KPTN: variants seen among roughly 807,000 people sequenced by gnomAD.
KPTN encodes the protein kaptin, actin binding protein, also known as KICSTOR complex protein kaptin.
KPTN carries 36 observed loss-of-function variants against 52.6 expected under a neutral mutation model. The ratio of observed to expected loss-of-function variants is 0.68; its 90% CI spans 0.52 to 0.90. The LOEUF (loss-of-function observed/expected upper bound fraction) is 0.90, where lower values mean the gene tolerates loss of function less well. Ranked by LOEUF, KPTN falls within the 40% of genes least tolerant of loss-of-function variation. KPTN has a pLI of 0.00. For synonymous variants in KPTN, 271 were observed against 248.4 expected (o/e 1.09, Z -0.85); for missense variants, 529 against 576.2 (o/e 0.92, Z 0.84).
Position 47,477,759 on chromosome 19 carries a change from T to C in KPTN, c.810A>G (p.Gln270=), listed in dbSNP as rs1599870367. 1 of 1,613,732 alleles carries C rather than the reference T, an allele frequency of 6.2e-7. No individual in the cohort carries two copies. Among genetic ancestry groups the C allele is most frequent in the Non-Finnish European group, 8.5e-7 (1 of 1,179,662 alleles). The change falls in exon 9 of 12, where the codon CAA becomes CAG. Residue 270 remains glutamine (Q), a synonymous_variant. Transcript: ENST00000338134. The part of the protein sequence containing the change: ...AAKETKDRPL[Q]DEYSVLVASM... Reference sequence around the variant, plus strand: ...TGGCCACGAGCACGCTGTACTCATCTTGTAGTGGCCTGTCCTTGGTCTCTG... The same window carrying C: ...TGGCCACGAGCACGCTGTACTCATCCTGTAGTGGCCTGTCCTTGGTCTCTG...
At chr19:47,479,380 G>A (rs1055414876) in intron 8 of KPTN, among the ~76,000 whole-genome samples, 1 of 152,182 alleles carries the variant, frequency 6.6e-6, no homozygotes, top group Non-Finnish European at 1.5e-5. Context: ...CCCCAGTAAA[G>A]GAGCAGGAAT....
At position 47,484,015 on chromosome 19, in the gene KPTN, T is replaced by C. The variant is rs1429327155; in HGVS notation, c.146A>G (p.Lys49Arg). The change falls in exon 1 of 12, where the codon AAG becomes AGG. Residue 49 changes from lysine to arginine, a missense_variant. Coordinates refer to ENST00000338134, the MANE Select transcript of KPTN (RefSeq NM_007059.4). ...GTCTTGGTAGCGGAAGCCGAGCACC[T>C]TGCCTTTAAGGGTGGCGGCCAGCAG... is the stretch of plus-strand genomic sequence containing the variant. ...GELLAATLKGKVLGFRYQDLR... is the reference protein window; with the variant it reads ...GELLAATLKGRVLGFRYQDLR... 6.2e-7 allele frequency: 1 copy of C among 1,613,138 alleles called. No individual in the cohort carries two copies. Among genetic ancestry groups the C allele is most frequent in the Non-Finnish European group, 8.5e-7 (1 of 1,180,014 alleles).
intron 8 of KPTN, among the ~76,000 whole-genome samples, 192 bp downstream of exon 8, chr19:47,479,671 A>G (rs1967796056): frequency 6.6e-6 from 1 of 152,116 alleles, no homozygotes; most frequent in African/African-American, 2.4e-5. Context: ...TGGAAGTTAA[A>G]TTCACAAGAG....
rs1463068600 is a variant in KPTN at position 47,480,804 on chromosome 19, C to G, written c.555G>C (p.Gln185His). The change falls in exon 6 of 12, where the codon CAG becomes CAC. Residue 185 changes from glutamine (Q) to histidine (H), a missense_variant. By Grantham distance (24) the Gln-to-His change is conservative. Transcript: ENST00000338134. Reference sequence around the variant, plus strand: ...GCTCTGGGAAGAGGTTTTCCACGGGCTGTTCCTCAAACTGATGCAGCCCCT... The same window carrying G: ...GCTCTGGGAAGAGGTTTTCCACGGGGTGTTCCTCAAACTGATGCAGCCCCT... ...ENEGLHQFEEQPVENLFPELT... is the reference protein window; with the variant it reads ...ENEGLHQFEEHPVENLFPELT... 1 of 1,613,978 alleles carries G rather than the reference C, an allele frequency of 6.2e-7. No individual in the cohort carries two copies. Among genetic ancestry groups the G allele is most frequent in the African/African-American group, 1.3e-5 (1 of 74,890 alleles).
intron 8 of KPTN, among the ~76,000 whole-genome samples, chr19:47,478,188 GTCT>G (rs1480427379): frequency 6.6e-6 from 1 of 152,122 alleles, no homozygotes; most frequent in Non-Finnish European, 1.5e-5. Flanking sequence ...TCAGGAAAAA[GTCT>G]TGAGGCTGTG....
At chr19:47,477,811 G>A (rs1967724925) in intron 8 of KPTN, 30 bp from the exon 9 acceptor site, 1 of 1,567,764 alleles carries the variant, frequency 6.4e-7, no homozygotes, top group Admixed American at 1.7e-5. Flanking sequence ...GGTAATCCCA[G>A]CACTTTGGGA....
At chr19:47,480,861 C>T in intron 5 of KPTN, 28 bp from the exon 6 acceptor site, 2 of 1,613,788 alleles carry the variant, frequency 1.2e-6, no homozygotes, top group Non-Finnish European at 1.7e-6. Context: ...CACCCCACCC[C>T]CGCTTAAGTC....
At position 47,476,637 on chromosome 19, in the gene KPTN, C is replaced by A. The variant is rs1967676435; in HGVS notation, c.1077G>T (p.Gln359His). ...EAQHGFHLLW[Q>H]RSFSSPLLAM... ...CCAGCAGGGGACTGGAGAAGCTCCG[C>A]TGCCACAGCAGATGGAACCCGTGCT... Residue 359 changes from glutamine to histidine, a missense_variant, in exon 11 of 12, where the codon CAG becomes CAT. Transcript: ENST00000338134. 7.4e-6 allele frequency: 12 copies of A among 1,612,910 alleles called. No homozygotes were observed. Among genetic ancestry groups the A allele is most frequent in the Non-Finnish European group, 1.0e-5 (12 of 1,179,854 alleles).
upstream of KPTN, among the ~76,000 whole-genome samples, chr19:47,484,706 A>AT (rs35425298): frequency 0.049 from 6,388 of 129,122 alleles, 331 homozygotes; most frequent in African/African-American, 0.12. Flanking sequence ...ACAGTTCACT[A>AT]TTTTTTTTTT....
At chr19:47,478,756 A>C (rs1967765060) in intron 8 of KPTN, among the ~76,000 whole-genome samples, 1 of 152,118 alleles carries the variant, frequency 6.6e-6, no homozygotes. Context: ...ACTTAGATGG[A>C]ACTGGAGACC....
chr19:47,476,530 A>G lies in KPTN; in HGVS notation c.1182+2T>C. Reference sequence around the variant, plus strand: ...CCCTCCCACCCCAAGAGCTGGGGATACCTGCAGGATGTGCACGCCCTTCAG... The same window carrying G: ...CCCTCCCACCCCAAGAGCTGGGGATGCCTGCAGGATGTGCACGCCCTTCAG... On this transcript the variant is annotated splice_donor_variant, in intron 11 of 11. Transcript: ENST00000338134. LOFTEE classifies it high-confidence loss of function. The G allele has an allele frequency of 6.3e-7, 1 of 1,594,482 alleles. No homozygotes were observed. The highest frequency in any genetic ancestry group is 8.6e-7 in the Non-Finnish European group (1 of 1,168,414).
chr19:47,483,044 C>T (rs886661021), intron 4 of KPTN, 117 bp downstream of exon 4: 22 of 1,109,362 alleles, frequency 2.0e-5, no homozygotes, highest in Non-Finnish European at 3.0e-5. Flanking sequence ...AGTACAACCT[C>T]TTTATTTTCC....
In KPTN at chr19:47,476,718, C is replaced by A. The variant is rs368602408; in HGVS notation, c.1000-4G>T. Reference sequence around the variant, plus strand: ...GGTACTTATAACACAGCAGTTCCTGCGGGGGTGAAGAATCAGGTCACACAG... The same window carrying A: ...GGTACTTATAACACAGCAGTTCCTGAGGGGGTGAAGAATCAGGTCACACAG... On this transcript the variant is annotated splice_region_variant and splice_polypyrimidine_tract_variant and intron_variant, in intron 10 of 11. Coordinates refer to ENST00000338134, the MANE Select transcript of KPTN (RefSeq NM_007059.4). 1.9e-6 allele frequency: 3 copies of A among 1,609,704 alleles called. No individual in the cohort carries two copies. Among genetic ancestry groups the A allele is most frequent in the South Asian group, 2.2e-5 (2 of 90,442 alleles).
At position 47,483,453 on chromosome 19, in the gene KPTN, CAT is replaced by C; in HGVS notation, c.309+47_309+48del. 3 of 1,594,238 alleles carry C rather than the reference CAT, an allele frequency of 1.9e-6. 1 individual carries two copies. In the South Asian group the frequency reaches 3.3e-5, roughly 18 times the overall value. On this transcript the variant is annotated intron_variant, in intron 2 of 11. Transcript: ENST00000338134. Reference sequence around the variant, plus strand: ...TCCGGGGCGGCTCAGTGGAACTCACCATGTGTGTAAGGAGGAGGGCGAAGGGA... The same window carrying C: ...TCCGGGGCGGCTCAGTGGAACTCACCGTGTGTAAGGAGGAGGGCGAAGGGA...
At chr19:47,481,118 C>A in intron 4 of KPTN, 85 bp from the exon 5 acceptor site, 1 of 1,074,434 alleles carries the variant, frequency 9.3e-7, no homozygotes, top group Non-Finnish European at 1.4e-6. Context: ...AAACCCCTGC[C>A]TGTTGAGAAC....
upstream of KPTN, among the ~76,000 whole-genome samples, chr19:47,485,315 C>A (rs1179444136): frequency 6.6e-6 from 1 of 152,196 alleles, no homozygotes; most frequent in South Asian, 2.1e-4. Context: ...TAGAGAGAAT[C>A]AAATGGAGGC....
rs773199116 is a variant in KPTN, at chr19:47,480,841, A to G, written c.526-8T>C. 4 of 1,613,720 alleles carry G rather than the reference A, an allele frequency of 2.5e-6. No individual in the cohort carries two copies. The African/African-American group carries it at 5.3e-5, about 22-fold the overall frequency. On this transcript the variant is annotated splice_region_variant and splice_polypyrimidine_tract_variant and intron_variant, in intron 5 of 11. Transcript: ENST00000338134. Reference sequence around the variant, plus strand: ...CTGATGCAGCCCCTCGTTCTGGGGAAACCAAGACCCACCCCACCCCCGCTT... The same window carrying G: ...CTGATGCAGCCCCTCGTTCTGGGGAGACCAAGACCCACCCCACCCCCGCTT...
At chr19:47,478,159 G>A (rs57952618) in intron 8 of KPTN, among the ~76,000 whole-genome samples, 5 of 152,106 alleles carry the variant, frequency 3.3e-5, no homozygotes, top group Non-Finnish European at 7.4e-5. Flanking sequence ...CCTTTAATGA[G>A]AGACATGCAG....
intron 1 of KPTN, 22 bp downstream of exon 1, chr19:47,483,913 C>T (rs1445851586): frequency 1.2e-6 from 2 of 1,612,374 alleles, no homozygotes; most frequent in Non-Finnish European, 1.7e-6. Flanking sequence ...CCCCCGCCCC[C>T]CAGCACCATA....
Sources: gnomAD v4.1 joint callset for allele counts (sites outside exome capture counted in the v4.1 genomes callset) on GRCh38, gnomAD v4.1.1 for gene constraint, MANE v1.5 for transcripts, NCBI Gene and HGNC (gene_info 2026-07-23, HGNC 2026-07-21) for gene names.